Variants in CCDC158 observed in about 807,000 individuals in gnomAD.
The protein encoded by CCDC158 is coiled-coil domain-containing protein 158.
Under a neutral mutation model 138.6 loss-of-function variants are expected in CCDC158, and 116 were observed. The ratio of observed to expected loss-of-function variants is 0.84; its 90% confidence interval spans 0.72 to 0.98. The LOEUF (loss-of-function observed/expected upper bound fraction) is 0.98. Among genes scored for constraint, CCDC158 ranks in the 50% least tolerant of loss-of-function variants. CCDC158 has a pLI of 0.00. For synonymous variants in CCDC158, 436 were observed against 442.4 expected, an observed-to-expected ratio of 0.99 and a Z score of 0.18; for missense variants, 1,265 against 1,306.1, an observed-to-expected ratio of 0.97 and a Z score of 0.48.
chr4:76,363,026 C>CT (rs1484643146), intron 12 of CCDC158, among the ~76,000 whole-genome samples: 2 of 152,180 alleles, frequency 1.3e-5, no homozygotes, highest in African/African-American at 2.4e-5. Flanking sequence ...TGGCCCTTGA[C>CT]TGTCGTCTGG....
intron 23 of CCDC158, among the ~76,000 whole-genome samples, chr4:76,324,587 C>G (rs1217994460): frequency 6.6e-6 from 1 of 152,048 alleles, no homozygotes; most frequent in African/African-American, 2.4e-5. Flanking sequence ...CTTTATGTAA[C>G]AAAAATTAAT....
intron 18 of CCDC158, among the ~76,000 whole-genome samples, chr4:76,348,434 CAAAAAAA>C (rs11342856): frequency 1.8e-5 from 1 of 54,462 alleles, no homozygotes; most frequent in African/African-American, 6.4e-5. Context: ...TACTCTGTCT[CAAAAAAA>C]AAAAAAAAAA....
At chr4:76,370,129 A>G (rs968442985) in intron 10 of CCDC158, among the ~76,000 whole-genome samples, 35 of 152,210 alleles carry the variant, frequency 2.3e-4, no homozygotes, top group Admixed American at 7.2e-4. Context: ...GTTGAATAGG[A>G]GCAAAAACTC....
intron 3 of CCDC158, among the ~76,000 whole-genome samples, chr4:76,400,219 C>A (rs1368607718): frequency 1.3e-5 from 2 of 151,978 alleles, no homozygotes; most frequent in African/African-American, 2.4e-5. Flanking sequence ...GAATACTATG[C>A]AGCCATAAAA....
intron 24 of CCDC158, among the ~76,000 whole-genome samples, chr4:76,317,032 T>A (rs796483061): frequency 1.4e-5 from 2 of 143,858 alleles, no homozygotes; most frequent in South Asian, 4.3e-4. Context: ...TCTTAAAGCA[T>A]AAATCTCACA....
rs543104535 is a variant in CCDC158 at position 76,345,652 on chromosome 4, A to T, written c.2664+5344T>A. 58 of 766,108 alleles carry T rather than the reference A, an allele frequency of 7.6e-5. No individual in the cohort carries two copies. The Middle Eastern group carries it at 1.8e-3, about 24-fold the overall frequency. 47.5% of individuals were successfully genotyped at this position (766,108 alleles called of 1,614,324 possible). A position where few individuals can be genotyped will look rare whatever the true frequency, so the allele number is the denominator to read the frequency against. ...AGAAAGCCAAGCATCACTTGCACTT[A>T]AATCATTACCATGGAAGATTTATTA... On this transcript the variant is annotated intron_variant, in intron 18 of 24. Coordinates refer to ENST00000682701, the MANE Select transcript of CCDC158 (RefSeq NM_001394954.1).
At chr4:76,320,253 A>G (rs1327024963) in intron 24 of CCDC158, among the ~76,000 whole-genome samples, 1 of 152,178 alleles carries the variant, frequency 6.6e-6, no homozygotes, top group Non-Finnish European at 1.5e-5. Context: ...AACAATCGCT[A>G]CAGGAAAAAC....
chr4:76,408,259 CAT>C (rs1032898371), intron 2 of CCDC158, among the ~76,000 whole-genome samples: 2 of 151,808 alleles, frequency 1.3e-5, no homozygotes, highest in African/African-American at 4.8e-5. Context: ...CATATGTACA[CAT>C]GTGCTATGTT....
At chr4:76,369,750 C>A (rs77643163) in intron 10 of CCDC158, 127 bp from the exon 11 acceptor site, 38 of 767,142 alleles carry the variant, frequency 5.0e-5, no homozygotes, top group Non-Finnish European at 7.2e-5. Context: ...AATCTGATTC[C>A]TTTTTAATGG....
At chr4:76,378,314 G>C (rs1725905934) in intron 9 of CCDC158, among the ~76,000 whole-genome samples, 1 of 152,102 alleles carries the variant, frequency 6.6e-6, no homozygotes, top group South Asian at 2.1e-4. Flanking sequence ...TATAGAATTG[G>C]TTTCATTTTA....
At position 76,328,986 on chromosome 4, in the gene CCDC158, T is replaced by C; in HGVS notation, c.2943-19A>G. ...TGGCTCTCTGGAAGCATAAGAATGG[T>C]AATGCAAGCATTCCATTTCACAAAC... On this transcript the variant is annotated intron_variant, in intron 21 of 24. Coordinates refer to ENST00000682701, the MANE Select transcript of CCDC158 (RefSeq NM_001394954.1). 4.4e-6 allele frequency: 7 copies of C among 1,594,406 alleles called. No homozygotes were observed. The highest frequency in any genetic ancestry group is 6.0e-6 in the Non-Finnish European group (7 of 1,162,166).
At chr4:76,319,763 G>A (rs544109142) in intron 24 of CCDC158, among the ~76,000 whole-genome samples, 9 of 151,550 alleles carry the variant, frequency 5.9e-5, no homozygotes, top group South Asian at 2.1e-4. Context: ...GAAAACCCTC[G>A]GCAAAATCGG....
At chr4:76,418,714 C>G (rs925094698) in intron 1 of CCDC158, among the ~76,000 whole-genome samples, 1 of 152,158 alleles carries the variant, frequency 6.6e-6, no homozygotes, top group African/African-American at 2.4e-5. Flanking sequence ...ACAGGAAAGA[C>G]CTGCCCCCAT....
chr4:76,317,514 A>G (rs1454578678), intron 24 of CCDC158, among the ~76,000 whole-genome samples: 1 of 152,192 alleles, frequency 6.6e-6, no homozygotes, highest in Non-Finnish European at 1.5e-5. Context: ...AATGCAATAG[A>G]TGCTAATACA....
intron 4 of CCDC158, among the ~76,000 whole-genome samples, chr4:76,390,794 T>G (rs941782443): frequency 6.6e-6 from 1 of 151,882 alleles, no homozygotes; most frequent in African/African-American, 2.4e-5. Context: ...AAAAAGATAT[T>G]CCATGCCAAT....
At chr4:76,416,921 T>C (rs1015922702) in intron 1 of CCDC158, among the ~76,000 whole-genome samples, 9 of 152,122 alleles carry the variant, frequency 5.9e-5, no homozygotes, top group African/African-American at 2.2e-4. Context: ...CACTGCCTAA[T>C]GGAGTTGTTA....
rs532142861 is a variant in CCDC158, at chr4:76,318,911, C to T, written c.3277+4391G>A. On this transcript the variant is annotated intron_variant, in intron 24 of 24. Coordinates refer to ENST00000682701, the MANE Select transcript of CCDC158 (RefSeq NM_001394954.1). The stretch of plus-strand genomic sequence containing the variant: ...TTGGGAGGCCAAGGTGGGCAGATCA[C>T]GAGGTCAAGAGTTCGAGACCAGCCT... Among the ~76,000 whole-genome samples the T allele has an allele frequency of 5.3e-5, 8 of 152,280 alleles. No homozygotes were observed. The South Asian group carries it at 1.2e-3, about 24-fold the overall frequency.
chr4:76,417,714 T>C (rs1332692426), intron 1 of CCDC158, among the ~76,000 whole-genome samples: 1 of 152,204 alleles, frequency 6.6e-6, no homozygotes. Flanking sequence ...GAAAACAGAC[T>C]AACACAGCTC....
chr4:76,405,104 T>G (rs1355433561), intron 2 of CCDC158, among the ~76,000 whole-genome samples: 1 of 152,124 alleles, frequency 6.6e-6, no homozygotes, highest in Non-Finnish European at 1.5e-5. Context: ...TAATACAATA[T>G]TAAGACTTTA....
Sources: gnomAD v4.1 joint callset for allele counts (sites outside exome capture counted in the v4.1 genomes callset) on GRCh38, gnomAD v4.1.1 for gene constraint, MANE v1.5 for transcripts, NCBI Gene and HGNC (gene_info 2026-07-23, HGNC 2026-07-21) for gene names.